The following LRPPRC variants were observed in gnomAD, a reference collection of about 807,000 sequenced individuals.
The protein encoded by LRPPRC is leucine-rich PPR motif-containing protein, mitochondrial.
In LRPPRC, 120 loss-of-function variants were observed where a neutral mutation model predicts 180.3. The ratio of observed to expected loss-of-function variants is 0.67; its 90% CI spans 0.57 to 0.77. The LOEUF is 0.77. Ranked by LOEUF, LRPPRC falls within the 30% of genes least tolerant of loss-of-function variation. The pLI is 0.00. For missense variants in LRPPRC, 2,012 were observed against 1,657.2 expected (o/e 1.21, Z -3.72); for synonymous variants, 723 against 600.0 (o/e 1.21, Z -3.00).
chr2:43,956,951 C>G (rs558135546), intron 14 of LRPPRC, among the ~76,000 whole-genome samples: 1 of 152,108 alleles, frequency 6.6e-6, no homozygotes, highest in South Asian at 2.1e-4. Flanking sequence ...ATTCTTTCAG[C>G]TTTTATGTTT....
At chr2:43,905,587 A>G in intron 31 of LRPPRC, 105 bp downstream of exon 31, 2 of 816,342 alleles carry the variant, frequency 2.4e-6, no homozygotes, top group Non-Finnish European at 4.4e-6. Flanking sequence ...CTTGATAAGC[A>G]GGTAATTTGC....
intron 2 of LRPPRC, among the ~76,000 whole-genome samples, chr2:43,981,032 G>A (rs140001975): frequency 8.2e-4 from 125 of 152,234 alleles, no homozygotes; most frequent in Non-Finnish European, 1.3e-3. Flanking sequence ...TTCTGAGTGT[G>A]TCTGAAACCC....
chr2:43,978,124 CACA>C (rs971145314), intron 3 of LRPPRC, among the ~76,000 whole-genome samples: 13 of 152,240 alleles, frequency 8.5e-5, no homozygotes, highest in African/African-American at 3.1e-4. Flanking sequence ...ACTCAAACTT[CACA>C]ACAACTTTGA....
rs1347270306 is a variant in LRPPRC at position 43,920,881 on chromosome 2, T to C, written c.2897-2483A>G. 3.9e-5 allele frequency among the ~76,000 whole-genome samples: 6 copies of C among 152,208 alleles called. No homozygotes were observed. The East Asian group carries it at 1.2e-3, about 29-fold the overall frequency. On this transcript the variant is annotated intron_variant, in intron 27 of 37. Transcript: ENST00000260665. The stretch of plus-strand genomic sequence containing the variant: ...GGTGGGTGGATAATCTACAACTCCG[T>C]GCCTTTAGGCTGCAAGAATTCTGGG...
chr2:43,943,602 A>G, intron 23 of LRPPRC, 85 bp downstream of exon 23: 3 of 1,105,372 alleles, frequency 2.7e-6, no homozygotes, highest in Non-Finnish European at 4.2e-6. Context: ...CCCCATCATG[A>G]GGGTATTTAT....
chr2:43,899,184 C>G, intron 34 of LRPPRC, 35 bp downstream of exon 34: 1 of 1,433,052 alleles, frequency 7.0e-7, no homozygotes, highest in Non-Finnish European at 9.8e-7. Flanking sequence ...TTGCAAGCCT[C>G]GAGCCCCACT....
At chr2:43,889,335 A>G (rs1446817622) in intron 37 of LRPPRC, among the ~76,000 whole-genome samples, 2 of 150,390 alleles carry the variant, frequency 1.3e-5, no homozygotes, top group African/African-American at 4.9e-5. Context: ...AAAAAAAAAA[A>G]AAAAGGCAAA....
Position 43,934,286 on chromosome 2 carries a change from A to G in LRPPRC, c.2640T>C (p.Phe880=). The G allele has an allele frequency of 6.3e-7, 1 of 1,579,262 alleles. No homozygotes were observed. The highest frequency in any genetic ancestry group is 1.1e-5 in the South Asian group (1 of 90,342). ...ETDLIQKAMD[F]VSQEQGEMVM... ...CCATTTCACCTTGTTCTTGGCTCACAAAGTCCATTGCTAGGTAGGAGAGAA... is the reference window on the plus strand; with the variant it reads ...CCATTTCACCTTGTTCTTGGCTCACGAAGTCCATTGCTAGGTAGGAGAGAA... Residue 880 remains phenylalanine, a synonymous_variant, in exon 25 of 38, where the codon TTT becomes TTC. Coordinates refer to ENST00000260665, the MANE Select transcript of LRPPRC (RefSeq NM_133259.4).
intron 25 of LRPPRC, 23 bp downstream of exon 25, chr2:43,934,167 G>C (rs779818383): frequency 3.1e-6 from 4 of 1,304,602 alleles, no homozygotes; most frequent in Non-Finnish European, 4.4e-6. Context: ...TCTACAATTA[G>C]AACACTGTAG....
chr2:43,977,355 CAA>C (rs1479722357), intron 3 of LRPPRC, 79 bp from the exon 4 acceptor site: 5 of 1,118,776 alleles, frequency 4.5e-6, no homozygotes, highest in Non-Finnish European at 6.7e-6. Flanking sequence ...ATTTAACAAA[CAA>C]AAAGAGTAAA....
At chr2:43,983,827 T>G (rs1176210904) in intron 1 of LRPPRC, among the ~76,000 whole-genome samples, 4 of 152,162 alleles carry the variant, frequency 2.6e-5, no homozygotes, top group Admixed American at 2.0e-4. Context: ...TCACCTCAAG[T>G]TTATATAAAA....
chr2:43,980,584 AAGAG>A (rs5830779), intron 2 of LRPPRC, among the ~76,000 whole-genome samples: 49,642 of 131,638 alleles, frequency 0.38, 10,252 homozygotes, highest in Non-Finnish European at 0.44. Context: ...GAAAGAAAGA[AAGAG>A]AGAGAGAGAG....
At chr2:43,960,475 C>T (rs1158642922) in intron 13 of LRPPRC, 66 bp downstream of exon 13, 3 of 886,442 alleles carry the variant, frequency 3.4e-6, no homozygotes, top group Non-Finnish European at 5.8e-6. Flanking sequence ...GTGAACCACC[C>T]TGCATGCCCT....
chr2:43,909,026 A>G (rs1671160911), intron 30 of LRPPRC, among the ~76,000 whole-genome samples: 2 of 152,252 alleles, frequency 1.3e-5, no homozygotes, highest in South Asian at 4.1e-4. Context: ...CACTCTGATC[A>G]CTGATACAGA....
chr2:43,948,418 C>A lies in LRPPRC; in HGVS notation c.1836G>T (p.Glu612Asp). 1 of 1,605,124 alleles carries A rather than the reference C, an allele frequency of 6.2e-7. No homozygotes were observed. Among genetic ancestry groups the A allele is most frequent in the Non-Finnish European group, 8.5e-7 (1 of 1,171,928 alleles). The change falls in exon 17 of 38, where the codon GAG (glutamate) becomes GAT (aspartate). Residue 612 changes from glutamate (E) to aspartate (D), a missense_variant. Coordinates refer to ENST00000260665, the MANE Select transcript of LRPPRC (RefSeq NM_133259.4). ...EHLRQYFHQL[E>D]KMNVKIPENI... ...GCAAAAAACGAAATGGTACCATCTT[C>A]TCCAGCTGATGGAAGTATTGTCTCA...
intron 34 of LRPPRC, among the ~76,000 whole-genome samples, chr2:43,898,456 G>A (rs995660479): frequency 1.3e-5 from 2 of 152,264 alleles, no homozygotes; most frequent in East Asian, 1.9e-4. Context: ...AGCCGTTGGC[G>A]GGATCACGGT....
chr2:43,920,079 TAAAAAAAAAA>T (rs1023425078), intron 27 of LRPPRC, among the ~76,000 whole-genome samples: 1 of 79,478 alleles, frequency 1.3e-5, no homozygotes, highest in African/African-American at 5.0e-5. Context: ...ATCAGCAATT[TAAAAAAAAAA>T]AAAAAAAAAA....
chr2:43,914,083 A>C (rs890546159), intron 29 of LRPPRC, among the ~76,000 whole-genome samples: 3 of 152,202 alleles, frequency 2.0e-5, no homozygotes, highest in African/African-American at 7.2e-5. Flanking sequence ...TCAATACCCA[A>C]TGCTTTTTAG....
At chr2:43,918,810 G>T (rs781083464) in intron 27 of LRPPRC, among the ~76,000 whole-genome samples, 1,716 of 121,804 alleles carry the variant, frequency 0.014, 21 homozygotes, top group Non-Finnish European at 0.019. Flanking sequence ...TATATATATA[G>T]ATATATATAT....
Sources: gnomAD v4.1 joint callset for allele counts (sites outside exome capture counted in the v4.1 genomes callset) on GRCh38, gnomAD v4.1.1 for gene constraint, MANE v1.5 for transcripts, NCBI Gene and HGNC (gene_info 2026-07-23, HGNC 2026-07-21) for gene names.